SLC35F4: variants seen among roughly 807,000 people sequenced by gnomAD.
SLC35F4 encodes solute carrier family 35 member F4, also known as chromosome 14 open reading frame 36.
Under a neutral mutation model 44.2 loss-of-function variants are expected in SLC35F4, and 24 were observed. The observed-to-expected ratio is 0.54, with a 90% CI of 0.39 to 0.76. The LOEUF is 0.76. SLC35F4 is among the 30% of genes least tolerant of loss of function. The probability of loss-of-function intolerance (pLI) is 0.00; values close to 1 mark genes in which losing one functional copy is unlikely to be tolerated. For synonymous variants in SLC35F4, 238 were observed against 223.6 expected, an observed-to-expected ratio of 1.06 and a Z score of -0.57; for missense variants, 562 against 586.1, an observed-to-expected ratio of 0.96 and a Z score of 0.42.
At chr14:57,946,648 G>A (rs1162035293) in intron 1 of SLC35F4, among the ~76,000 whole-genome samples, 1 of 151,228 alleles carries the variant, frequency 6.6e-6, no homozygotes, top group Non-Finnish European at 1.5e-5. Flanking sequence ...CTAATTTTTT[G>A]TATTTTTAGT....
intron 1 of SLC35F4, among the ~76,000 whole-genome samples, chr14:57,856,571 TAAAAACTA>T (rs1182963061): frequency 6.6e-5 from 10 of 152,108 alleles, no homozygotes; most frequent in African/African-American, 2.4e-4. Context: ...ATAAACTCTG[TAAAAACTA>T]CCACACTATC....
intron 1 of SLC35F4, among the ~76,000 whole-genome samples, chr14:57,618,681 C>T (rs1245629019): frequency 6.6e-6 from 1 of 152,160 alleles, no homozygotes; most frequent in Non-Finnish European, 1.5e-5. Flanking sequence ...GCAATGCCAG[C>T]GAGCCAGAAC....
chr14:57,658,511 C>G (rs542985156), intron 1 of SLC35F4, among the ~76,000 whole-genome samples: 8 of 152,254 alleles, frequency 5.3e-5, no homozygotes, highest in African/African-American at 1.9e-4. Flanking sequence ...TGAAGAAGTT[C>G]CTTTAGTGAA....
chr14:57,755,821 G>A (rs1431766456), intron 1 of SLC35F4, among the ~76,000 whole-genome samples: 4 of 152,224 alleles, frequency 2.6e-5, no homozygotes, highest in Middle Eastern at 3.4e-3. Context: ...TCCACATTTC[G>A]CAGGGGACTC....
chr14:57,846,749 G>A (rs981441707), intron 1 of SLC35F4, among the ~76,000 whole-genome samples: 9 of 152,172 alleles, frequency 5.9e-5, no homozygotes, highest in Non-Finnish European at 1.2e-4. Context: ...TAACAGTGAC[G>A]TTATCCCATG....
chr14:57,807,739 A>G (rs1779507368), intron 1 of SLC35F4, among the ~76,000 whole-genome samples: 1 of 151,880 alleles, frequency 6.6e-6, no homozygotes, highest in African/African-American at 2.4e-5. Context: ...ATTATTTATT[A>G]CTTTTTTTCT....
chr14:57,612,767 G>A (rs1368514207), intron 1 of SLC35F4, among the ~76,000 whole-genome samples: 1 of 152,092 alleles, frequency 6.6e-6, no homozygotes, highest in Non-Finnish European at 1.5e-5. Context: ...GCATGCTCAA[G>A]AAATATTTAA....
At chr14:57,728,287 T>G (rs1056325505) in intron 1 of SLC35F4, among the ~76,000 whole-genome samples, 11 of 152,100 alleles carry the variant, frequency 7.2e-5, no homozygotes, top group South Asian at 2.1e-4. Context: ...ATATGTGAAT[T>G]GTGTTTCTTG....
At chr14:57,878,533 G>T (rs550495404) in intron 1 of SLC35F4, among the ~76,000 whole-genome samples, 2 of 152,072 alleles carry the variant, frequency 1.3e-5, no homozygotes, top group African/African-American at 4.8e-5. Context: ...CTCTGAAAAA[G>T]CTATGGGCTT....
chr14:57,651,697 G>T (rs2073790141), intron 1 of SLC35F4, among the ~76,000 whole-genome samples: 1 of 152,108 alleles, frequency 6.6e-6, no homozygotes, highest in Non-Finnish European at 1.5e-5. Context: ...CTGCGGCTTG[G>T]GAAAATGTCT....
chr14:57,934,572 A>G (rs1275933541), intron 1 of SLC35F4, among the ~76,000 whole-genome samples: 3 of 151,992 alleles, frequency 2.0e-5, no homozygotes, highest in Non-Finnish European at 4.4e-5. Context: ...TACAGCAAGT[A>G]CATGGCAAGC....
intron 1 of SLC35F4, among the ~76,000 whole-genome samples, chr14:57,661,169 A>G (rs1159218005): frequency 6.6e-6 from 1 of 152,140 alleles, no homozygotes; most frequent in Non-Finnish European, 1.5e-5. Context: ...GAGTCAAATG[A>G]CTTATCCATG....
At chr14:57,797,322 C>T (rs2078076643) in intron 1 of SLC35F4, among the ~76,000 whole-genome samples, 1 of 152,142 alleles carries the variant, frequency 6.6e-6, no homozygotes, top group Admixed American at 6.5e-5. Context: ...TTAGCATTTC[C>T]AATGTAGCCA....
At chr14:57,790,833 A>C (rs1595071474) in intron 1 of SLC35F4, among the ~76,000 whole-genome samples, 2 of 151,956 alleles carry the variant, frequency 1.3e-5, no homozygotes, top group South Asian at 4.2e-4. Context: ...TAACACCACA[A>C]ATCTACAACC....
In SLC35F4 at chr14:57,826,548, G is replaced by GAAAA. The variant is rs1483633494; in HGVS notation, c.103+39174_103+39175insTTTT. ...TAAACTAAAGAGCTACATAGCAAAA[G>GAAAA]AAACTATCATCAGAGTAAACAGACA... On this transcript the variant is annotated intron_variant, in intron 1 of 7. Coordinates refer to ENST00000556826, the MANE Select transcript of SLC35F4 (RefSeq NM_001306087.2). Among the ~76,000 whole-genome samples, 5 of 151,906 alleles carry GAAAA rather than the reference G, an allele frequency of 3.3e-5. No homozygotes were observed. The East Asian group carries it at 9.7e-4, about 29-fold the overall frequency.
At position 57,607,706 on chromosome 14, in the gene SLC35F4, T is replaced by C. The variant is rs938968283; in HGVS notation, c.104-13582A>G. On this transcript the variant is annotated intron_variant, in intron 1 of 7. Transcript: ENST00000556826. ...CGGATTTGAGTTTTTAGAAGATCACTGTGTAACGTGGAGAACGGACTGAGA... is the reference window on the plus strand; with the variant it reads ...CGGATTTGAGTTTTTAGAAGATCACCGTGTAACGTGGAGAACGGACTGAGA... Among the ~76,000 whole-genome samples the C allele has an allele frequency of 3.9e-5, 6 of 152,214 alleles. No homozygotes were observed. In the East Asian group the frequency reaches 9.6e-4, roughly 24 times the overall value.
chr14:57,629,406 G>A (rs900338440), intron 1 of SLC35F4, among the ~76,000 whole-genome samples: 4 of 152,122 alleles, frequency 2.6e-5, no homozygotes, highest in African/African-American at 9.7e-5. Context: ...TTGGACTGAA[G>A]CATTGCCTTT....
At chr14:57,893,022 C>A (rs1001711122) in intron 1 of SLC35F4, among the ~76,000 whole-genome samples, 4 of 152,160 alleles carry the variant, frequency 2.6e-5, no homozygotes, top group African/African-American at 9.7e-5. Context: ...AAGGCTAGAA[C>A]TGGACATTTT....
chr14:57,659,263 AGG>A (rs1046914233), intron 1 of SLC35F4, among the ~76,000 whole-genome samples: 111 of 152,268 alleles, frequency 7.3e-4, no homozygotes, highest in African/African-American at 2.6e-3. Flanking sequence ...CAAGGGACAG[AGG>A]AGGTGGTGAC....
Sources: gnomAD v4.1 joint callset for allele counts (sites outside exome capture counted in the v4.1 genomes callset) on GRCh38, gnomAD v4.1.1 for gene constraint, MANE v1.5 for transcripts, NCBI Gene and HGNC (gene_info 2026-07-23, HGNC 2026-07-21) for gene names.